The following RXRG variants were observed in gnomAD, a reference collection of about 807,000 sequenced individuals.
RXRG encodes retinoic acid receptor RXR-gamma.
Under a neutral mutation model 49.2 loss-of-function variants are expected in RXRG, and 19 were observed. The ratio of observed to expected loss-of-function variants is 0.39; its 90% confidence interval spans 0.27 to 0.57. RXRG has a LOEUF of 0.57. Among genes scored for constraint, RXRG ranks in the 20% least tolerant of loss-of-function variants. The pLI, the probability that RXRG is intolerant of heterozygous loss-of-function variation, is 0.64. For missense variants in RXRG, 452 were observed against 592.5 expected, an observed-to-expected ratio of 0.76 and a Z score of 2.46; for synonymous variants, 224 against 216.6, an observed-to-expected ratio of 1.03 and a Z score of -0.30.
At chr1:165,423,435 A>G (rs1658386858) in intron 2 of RXRG, among the ~76,000 whole-genome samples, 1 of 152,182 alleles carries the variant, frequency 6.6e-6, no homozygotes, top group African/African-American at 2.4e-5. Flanking sequence ...ATGCTTCTGG[A>G]GCCATCCTTG....
chr1:165,432,627 A>T (rs1658704162), intron 1 of RXRG, among the ~76,000 whole-genome samples: 1 of 152,154 alleles, frequency 6.6e-6, no homozygotes, highest in Non-Finnish European at 1.5e-5. Context: ...AGCCAATACC[A>T]AAAGGCACCA....
intron 4 of RXRG, among the ~76,000 whole-genome samples, chr1:165,413,593 C>T (rs1167653052): frequency 1.3e-5 from 2 of 152,178 alleles, no homozygotes; most frequent in Non-Finnish European, 2.9e-5. Flanking sequence ...ATAAAGACCA[C>T]ACAGGGCTCA....
At position 165,410,707 on chromosome 1, in the gene RXRG, C is replaced by A; in HGVS notation, c.908G>T (p.Arg303Leu). 6.2e-7 allele frequency: 1 copy of A among 1,613,828 alleles called. No homozygotes were observed. Among genetic ancestry groups the A allele is most frequent in the Non-Finnish European group, 8.5e-7 (1 of 1,179,964 alleles). The change falls in exon 6 of 10, where the codon CGG becomes CTG. Residue 303 changes from arginine (R) to leucine (L), a missense_variant. By Grantham distance (102) the Arg-to-Leu change is moderately radical. This residue lies in a region of RXRG where 286 missense variants were observed against 440.9 expected (regional missense o/e 0.65). Coordinates refer to ENST00000359842, the MANE Select transcript of RXRG (RefSeq NM_006917.5). ...AGGCAGCCAATGTGCTTTACCTGCC[C>A]GAAGCAAAATGACCTGGTCCTCCAA... Reference protein sequence around the residue: ...LTLEDQVILLRAGWNELLIAS... With the variant: ...LTLEDQVILLLAGWNELLIAS...
rs1034816002 is a variant in RXRG at position 165,413,020 on chromosome 1, C to T, written c.623-1911G>A. On this transcript the variant is annotated intron_variant, in intron 4 of 9. Transcript: ENST00000359842. ...CAATGTCTTCTAGAGATTTGTAACACTCAAGGAAAATAACCTTCAAGCTTC... is the reference window on the plus strand; with the variant it reads ...CAATGTCTTCTAGAGATTTGTAACATTCAAGGAAAATAACCTTCAAGCTTC... 2.6e-5 allele frequency among the ~76,000 whole-genome samples: 4 copies of T among 152,276 alleles called. No homozygotes were observed. The East Asian group carries it at 7.7e-4, about 29-fold the overall frequency.
chr1:165,434,180 G>A (rs1658758600), intron 1 of RXRG, among the ~76,000 whole-genome samples: 1 of 152,092 alleles, frequency 6.6e-6, no homozygotes, highest in Non-Finnish European at 1.5e-5. Flanking sequence ...ATGTATACAA[G>A]TAGGTATAAA....
chr1:165,418,040 G>T (rs1055337136), intron 3 of RXRG, among the ~76,000 whole-genome samples: 3 of 149,662 alleles, frequency 2.0e-5, no homozygotes, highest in African/African-American at 7.4e-5. Context: ...GAACCCTGGA[G>T]GCGGAGGTTG....
At chr1:165,442,945 A>G (rs938473981) in intron 1 of RXRG, among the ~76,000 whole-genome samples, 2 of 152,172 alleles carry the variant, frequency 1.3e-5, no homozygotes, top group African/African-American at 2.4e-5. Context: ...TCTTTTCACT[A>G]TATTAAAGCA....
intron 4 of RXRG, among the ~76,000 whole-genome samples, chr1:165,416,736 G>GGGATCAC (rs1235575363): frequency 5.3e-5 from 8 of 152,158 alleles, no homozygotes; most frequent in Non-Finnish European, 2.9e-5. Flanking sequence ...GTCCAGTTTG[G>GGGATCAC]GGATCACCAT....
At chr1:165,402,293 C>G (rs575366924) in intron 9 of RXRG, among the ~76,000 whole-genome samples, 1 of 152,258 alleles carries the variant, frequency 6.6e-6, no homozygotes, top group East Asian at 1.9e-4. Context: ...GCCATGTTGG[C>G]CAGGCTGGTC....
rs547320268 is a variant in RXRG at position 165,403,819 on chromosome 1, T to C, written c.1245-2409A>G. Among the ~76,000 whole-genome samples, 14 of 152,366 alleles carry C rather than the reference T, an allele frequency of 9.2e-5. No individual in the cohort carries two copies. In the East Asian group the frequency reaches 1.9e-3, roughly 21 times the overall value. On this transcript the variant is annotated intron_variant, in intron 9 of 9. Coordinates refer to ENST00000359842, the MANE Select transcript of RXRG (RefSeq NM_006917.5). ...ATCTAAAATTCGAAGTATGCCATCA[T>C]ACTACCCTCTTTGTTGTGTGACCTG...
Position 165,428,735 on chromosome 1 carries a change from G to A in RXRG, c.281C>T (p.Ala94Val), listed in dbSNP as rs1354885084. 3.8e-6 allele frequency: 6 copies of A among 1,599,288 alleles called. No individual in the cohort carries two copies. The highest frequency in any genetic ancestry group is 1.7e-6 in the Non-Finnish European group (2 of 1,169,652). Reference protein sequence around the residue: ...LAAPPGINLVAPPSSQLNVVN... With the variant: ...LAAPPGINLVVPPSSQLNVVN... ...AACACTTACCTGAGAGCTGGGTGGG[G>A]CAACCAAGTTGATTCCTGGAGGCGC... The change falls in exon 2 of 10, where the codon GCC becomes GTC. Residue 94 changes from alanine to valine, a missense_variant. Ala to Val is a moderately conservative substitution (Grantham distance 64). Coordinates refer to ENST00000359842, the MANE Select transcript of RXRG (RefSeq NM_006917.5).
chr1:165,424,914 C>T (rs1658436413), intron 2 of RXRG: 2 of 985,426 alleles, frequency 2.0e-6, no homozygotes, highest in African/African-American at 3.5e-5. Flanking sequence ...ATCTCGTTAA[C>T]CGAGCAAAGC....
Position 165,415,919 on chromosome 1 carries a change from CCTCAGGAAACTCCGTTCAT to C in RXRG, c.622+1103_622+1121del, listed in dbSNP as rs1445384742. ...GTCAGTTCATTAACTGCCTTTGGCA[CCTCAGGAAACTCCGTTCAT>C]CTCTGTGAGCCTGTTTTCTCATCTG... On this transcript the variant is annotated intron_variant, in intron 4 of 9. Transcript: ENST00000359842. Among the ~76,000 whole-genome samples the C allele has an allele frequency of 1.3e-5, 2 of 152,192 alleles. 1 individual carries two copies. Among genetic ancestry groups the C allele is most frequent in the Non-Finnish European group, 2.9e-5 (2 of 68,032 alleles).
intron 1 of RXRG, among the ~76,000 whole-genome samples, chr1:165,443,273 G>C (rs1387915280): frequency 6.6e-6 from 1 of 152,132 alleles, no homozygotes; most frequent in Non-Finnish European, 1.5e-5. Flanking sequence ...ACAGACCTTG[G>C]GGGGCCCACG....
chr1:165,428,143 T>C lies in RXRG; in HGVS notation c.297+576A>G, dbSNP rs147794599. Among the ~76,000 whole-genome samples, 677 of 152,312 alleles carry C rather than the reference T, an allele frequency of 4.4e-3. 6 individuals are homozygous for C. The highest frequency in any genetic ancestry group is 0.016 in the African/African-American group (645 of 41,566). On this transcript the variant is annotated intron_variant, in intron 2 of 9. Coordinates refer to ENST00000359842, the MANE Select transcript of RXRG (RefSeq NM_006917.5). ...CAGAGTAGCAATCTAGCATGCACCA[T>C]GCACATACTTCTTCTCCTCCATCAT...
At chr1:165,432,859 G>T (rs1402390261) in intron 1 of RXRG, among the ~76,000 whole-genome samples, 2 of 152,182 alleles carry the variant, frequency 1.3e-5, no homozygotes, top group African/African-American at 4.8e-5. Context: ...CAAATCTTAA[G>T]TCAAGGTTTT....
intron 1 of RXRG, among the ~76,000 whole-genome samples, chr1:165,432,446 T>G (rs750318617): frequency 1.3e-5 from 2 of 152,244 alleles, no homozygotes; most frequent in Non-Finnish European, 2.9e-5. Context: ...AATAAATAGC[T>G]TTGCTTTTAG....
At chr1:165,432,760 C>A (rs1433521886) in intron 1 of RXRG, among the ~76,000 whole-genome samples, 1 of 152,196 alleles carries the variant, frequency 6.6e-6, no homozygotes. Context: ...TGAAAGTAGG[C>A]AGGCTCCTGT....
At chr1:165,428,628 G>A in intron 2 of RXRG, 91 bp downstream of exon 2, 2 of 1,443,556 alleles carry the variant, frequency 1.4e-6, no homozygotes, top group Non-Finnish European at 1.9e-6. Context: ...CACGCATTAT[G>A]GACCTGCTGA....
Sources: allele counts gnomAD v4.1 joint callset (sites outside exome capture counted in the v4.1 genomes callset), GRCh38; gene constraint gnomAD v4.1.1; regional missense constraint gnomAD v4.1.1; transcripts MANE v1.5; gene names NCBI Gene and HGNC (gene_info 2026-07-23, HGNC 2026-07-21).